Variants in FBLN7 observed in about 807,000 individuals in gnomAD.
FBLN7 encodes the protein fibulin-7.
A neutral mutation model predicts 44.0 loss-of-function variants in FBLN7; 31 were observed. The ratio of observed to expected loss-of-function variants is 0.70; its 90% CI spans 0.53 to 0.95. FBLN7 has a LOEUF of 0.95. Among genes scored for constraint, FBLN7 ranks in the 40% least tolerant of loss-of-function variants. The probability of loss-of-function intolerance (pLI) is 0.00; values close to 1 mark genes in which losing one functional copy is unlikely to be tolerated. For missense variants in FBLN7, 573 were observed against 618.5 expected (o/e 0.93, Z 0.78); for synonymous variants, 262 against 253.4 (o/e 1.03, Z -0.32).
intron 1 of FBLN7, among the ~76,000 whole-genome samples, chr2:112,142,275 A>G (rs183072080): frequency 2.0e-5 from 3 of 151,954 alleles, no homozygotes; most frequent in Admixed American, 2.0e-4. Context: ...AACTCTCTCT[A>G]CTCTAAACAA....
At chr2:112,220,609 CT>C in the FBLN7 span, among the ~76,000 whole-genome samples, 2 of 152,108 alleles carry the variant, frequency 1.3e-5, no homozygotes. Context: ...ATCACCTGAG[CT>C]CGGGAGTTCA....
chr2:112,185,033 A>G (rs918445995), intron 6 of FBLN7, among the ~76,000 whole-genome samples, 168 bp from the exon 7 acceptor site: 4 of 151,814 alleles, frequency 2.6e-5, no homozygotes, highest in Non-Finnish European at 5.9e-5. Flanking sequence ...GCATTTCCTC[A>G]GGGCCCTGAT....
At chr2:112,160,051 C>T (rs192887854) in intron 2 of FBLN7, among the ~76,000 whole-genome samples, 3,914 of 152,030 alleles carry the variant, frequency 0.026, 149 homozygotes, top group African/African-American at 0.081. Flanking sequence ...AGTGCAGTGG[C>T]GCGATCTCGG....
At chr2:112,238,504 T>C in the FBLN7 span, 3 of 1,611,064 alleles carry the variant, frequency 1.9e-6, no homozygotes, top group African/African-American at 1.3e-5. Flanking sequence ...AGCGAACTTT[T>C]TGGTGATATT....
chr2:112,170,147 C>A (rs1682379407), intron 3 of FBLN7, among the ~76,000 whole-genome samples: 1 of 151,760 alleles, frequency 6.6e-6, no homozygotes, highest in African/African-American at 2.4e-5. Flanking sequence ...GAGGCTGAGG[C>A]AGAAGAATCG....
downstream of FBLN7, chr2:112,188,736 C>A (rs1351593629): frequency 3.3e-5 from 5 of 152,098 alleles, no homozygotes; most frequent in Non-Finnish European, 7.4e-5. Context: ...ATGATCAAGC[C>A]CTACATCAAG....
the FBLN7 span, chr2:112,238,459 A>T: frequency 6.2e-7 from 1 of 1,613,374 alleles, no homozygotes; most frequent in Non-Finnish European, 8.5e-7. Context: ...TTATCACTAT[A>T]TACATCATAG....
chr2:112,178,380 A>T (rs1334691653), intron 4 of FBLN7, among the ~76,000 whole-genome samples: 2 of 152,178 alleles, frequency 1.3e-5, no homozygotes, highest in Non-Finnish European at 2.9e-5. Context: ...AACCAAAAAA[A>T]GCCCAGGACC....
At chr2:112,168,279 T>G in intron 3 of FBLN7, among the ~76,000 whole-genome samples, 1 of 152,200 alleles carries the variant, frequency 6.6e-6, no homozygotes. Flanking sequence ...GGATGCCTAC[T>G]CAGACAGCAT....
intron 4 of FBLN7, among the ~76,000 whole-genome samples, chr2:112,178,927 T>C (rs1049708040): frequency 1.3e-5 from 2 of 152,198 alleles, no homozygotes; most frequent in South Asian, 4.1e-4. Context: ...AAAACTGGCA[T>C]AAGACAGGGA....
intron 3 of FBLN7, among the ~76,000 whole-genome samples, chr2:112,169,575 G>A (rs559759080): frequency 9.9e-5 from 15 of 152,256 alleles, no homozygotes; most frequent in African/African-American, 3.6e-4. Context: ...TTTGTCAGTC[G>A]TCCCCACCCT....
the FBLN7 span, among the ~76,000 whole-genome samples, chr2:112,210,383 C>T: frequency 1.3e-5 from 2 of 152,068 alleles, no homozygotes; most frequent in Admixed American, 6.5e-5. Flanking sequence ...AGGCCGGGCA[C>T]GGTGCCTCAC....
chr2:112,172,296 C>T (rs966086176), intron 3 of FBLN7, among the ~76,000 whole-genome samples: 9 of 152,148 alleles, frequency 5.9e-5, no homozygotes, highest in South Asian at 2.1e-4. Context: ...TCTGCCTCAG[C>T]GAGTGTCACT....
chr2:112,170,197 G>A (rs1334190520), intron 3 of FBLN7, among the ~76,000 whole-genome samples: 7 of 145,486 alleles, frequency 4.8e-5, no homozygotes, highest in African/African-American at 1.5e-4. Context: ...AGCTGAGATC[G>A]CACCATTGCA....
At chr2:112,164,972 G>C (rs751229946) in intron 2 of FBLN7, 29 bp from the exon 3 acceptor site, 1 of 1,608,766 alleles carries the variant, frequency 6.2e-7, no homozygotes, top group South Asian at 1.1e-5. Context: ...AGGATGAGGA[G>C]CTCGTAATCC....
At chr2:112,176,813 C>A (rs1456975044) in intron 4 of FBLN7, 1 of 152,208 alleles carries the variant, frequency 6.6e-6, no homozygotes, top group Non-Finnish European at 1.5e-5. Context: ...GACCTCACTG[C>A]CTCTCCCCTT....
chr2:112,143,911 T>C (rs1449067482), intron 1 of FBLN7, among the ~76,000 whole-genome samples: 1 of 152,054 alleles, frequency 6.6e-6, no homozygotes, highest in Non-Finnish European at 1.5e-5. Flanking sequence ...TGGAAAAGAG[T>C]ACATGGCCTT....
chr2:112,188,247 G>C (rs985223171), downstream of FBLN7: 3 of 152,250 alleles, frequency 2.0e-5, no homozygotes, highest in African/African-American at 7.2e-5. Flanking sequence ...GCATGAGACA[G>C]CCCACTTCCT....
At chr2:112,138,987 C>T (rs1377842779) in intron 1 of FBLN7, among the ~76,000 whole-genome samples, 26 of 111,090 alleles carry the variant, frequency 2.3e-4, no homozygotes, top group South Asian at 3.3e-4. Flanking sequence ...TCTCTCCAGG[C>T]CAGCGTCCCT....
Sources: allele counts gnomAD v4.1 joint callset (sites outside exome capture counted in the v4.1 genomes callset), GRCh38; gene constraint gnomAD v4.1.1; transcripts MANE v1.5; gene names NCBI Gene and HGNC (gene_info 2026-07-23, HGNC 2026-07-21).